The following ROBO1 variants were observed in gnomAD, a reference collection of about 807,000 sequenced individuals.
ROBO1 encodes the protein roundabout homolog 1.
ROBO1 carries 149 observed loss-of-function variants against 195.9 expected under a neutral mutation model. That is an observed-to-expected ratio of 0.76 (90% CI 0.67 to 0.87). ROBO1 has a LOEUF of 0.87. Among genes scored for constraint, ROBO1 ranks in the 40% least tolerant of loss-of-function variants. ROBO1 has a pLI of 0.00. For missense variants in ROBO1, 1,933 were observed against 2,068.3 expected, an observed-to-expected ratio of 0.93 and a Z score of 1.27; for synonymous variants, 816 against 733.2, an observed-to-expected ratio of 1.11 and a Z score of -1.82.
chr3:79,261,180 A>G (rs1289059303), intron 2 of ROBO1, among the ~76,000 whole-genome samples: 3 of 152,036 alleles, frequency 2.0e-5, no homozygotes, highest in South Asian at 4.1e-4. Context: ...TTTTTTGTAT[A>G]TGTTACCTTA....
intron 2 of ROBO1, among the ~76,000 whole-genome samples, chr3:79,137,677 G>A (rs116535123): frequency 6.6e-6 from 1 of 151,960 alleles, no homozygotes; most frequent in Non-Finnish European, 1.5e-5. Flanking sequence ...TACTGAAACC[G>A]AATCTCAGAG....
intron 3 of ROBO1, among the ~76,000 whole-genome samples, chr3:79,003,504 T>G (rs942184851): frequency 6.6e-6 from 1 of 152,116 alleles, no homozygotes; most frequent in African/African-American, 2.4e-5. Flanking sequence ...CGAACACTCT[T>G]TCAAGTACTT....
intron 2 of ROBO1, among the ~76,000 whole-genome samples, chr3:79,150,789 A>G (rs958260690): frequency 1.3e-5 from 2 of 151,832 alleles, no homozygotes; most frequent in African/African-American, 4.8e-5. Flanking sequence ...ATAAAAGGAT[A>G]TCTTGACTTC....
At chr3:79,111,211 GC>G (rs2079880288) in intron 3 of ROBO1, among the ~76,000 whole-genome samples, 1 of 152,142 alleles carries the variant, frequency 6.6e-6, no homozygotes, top group African/African-American at 2.4e-5. Context: ...TTGTCTAATA[GC>G]CATAGGGCTA....
At chr3:79,446,944 C>T (rs761060576) in intron 2 of ROBO1, among the ~76,000 whole-genome samples, 2 of 152,136 alleles carry the variant, frequency 1.3e-5, no homozygotes, top group African/African-American at 4.8e-5. Flanking sequence ...CTGCCTCAGC[C>T]TCCCACATAG....
intron 4 of ROBO1, among the ~76,000 whole-genome samples, chr3:78,776,969 C>T (rs1389208002): frequency 6.6e-6 from 1 of 152,016 alleles, no homozygotes; most frequent in East Asian, 1.9e-4. Flanking sequence ...GGACTATTAG[C>T]TTTTATGGTT....
chr3:79,185,069 A>G (rs1210249807), intron 2 of ROBO1, among the ~76,000 whole-genome samples: 2 of 152,166 alleles, frequency 1.3e-5, no homozygotes, highest in African/African-American at 4.8e-5. Flanking sequence ...GATGACTTCT[A>G]TGTCACAGTG....
chr3:79,340,996 A>C (rs2034885355), intron 2 of ROBO1, among the ~76,000 whole-genome samples: 1 of 152,234 alleles, frequency 6.6e-6, no homozygotes, highest in Non-Finnish European at 1.5e-5. Context: ...CGGAATGTAC[A>C]AATTCTTTAG....
intron 2 of ROBO1, among the ~76,000 whole-genome samples, chr3:79,184,707 G>A (rs1027774847): frequency 1.4e-4 from 21 of 152,214 alleles, no homozygotes; most frequent in African/African-American, 4.8e-4. Flanking sequence ...GAATCTCTCT[G>A]GTCTTGTGAA....
chr3:79,152,095 A>T (rs1225422382), intron 2 of ROBO1, among the ~76,000 whole-genome samples: 4 of 151,838 alleles, frequency 2.6e-5, no homozygotes, highest in East Asian at 1.9e-4. Flanking sequence ...CCTCATCATT[A>T]AAAAAATTCC....
At chr3:78,820,346 T>C (rs2030758153) in intron 4 of ROBO1, among the ~76,000 whole-genome samples, 1 of 152,200 alleles carries the variant, frequency 6.6e-6, no homozygotes, top group African/African-American at 2.4e-5. Flanking sequence ...AGATGGATAC[T>C]ATTATCTACA....
intron 3 of ROBO1, among the ~76,000 whole-genome samples, chr3:79,050,424 C>T (rs1352652498): frequency 1.3e-5 from 2 of 152,128 alleles, no homozygotes; most frequent in Non-Finnish European, 2.9e-5. Context: ...TACAAAGAGA[C>T]TTAGACTCCC....
rs1438935333 is a variant in ROBO1, at chr3:79,745,811, AC to A, written c.-51+21940del. Reference sequence around the variant, plus strand: ...AGGATTAATAAAACTATATATGTATACAATTGGCTTAAGGTCAAGTTAGTTT... The same window carrying A: ...AGGATTAATAAAACTATATATGTATAAATTGGCTTAAGGTCAAGTTAGTTT... On this transcript the variant is annotated intron_variant, in intron 1 of 30. Transcript: ENST00000464233. Among the ~76,000 whole-genome samples the A allele has an allele frequency of 3.3e-5, 5 of 152,292 alleles. No individual in the cohort carries two copies. The East Asian group carries it at 9.6e-4, about 29-fold the overall frequency.
intron 2 of ROBO1, among the ~76,000 whole-genome samples, chr3:79,341,571 T>C (rs1287901515): frequency 6.6e-6 from 1 of 152,042 alleles, no homozygotes; most frequent in Non-Finnish European, 1.5e-5. Flanking sequence ...CTTGAACTCC[T>C]GGCCTCAAGC....
At chr3:78,941,603 A>T (rs2040147695) in intron 3 of ROBO1, among the ~76,000 whole-genome samples, 1 of 152,226 alleles carries the variant, frequency 6.6e-6, no homozygotes, top group Non-Finnish European at 1.5e-5. Flanking sequence ...TGCCTGAGCA[A>T]GTCAGAGAAG....
At chr3:78,828,156 A>C (rs1222722482) in intron 4 of ROBO1, among the ~76,000 whole-genome samples, 2 of 152,246 alleles carry the variant, frequency 1.3e-5, no homozygotes, top group Non-Finnish European at 2.9e-5. Context: ...TAGCTTATCC[A>C]GTATCTAAGA....
chr3:79,156,537 A>T (rs1265844670), intron 2 of ROBO1, among the ~76,000 whole-genome samples: 1 of 151,806 alleles, frequency 6.6e-6, no homozygotes, highest in East Asian at 1.9e-4. Context: ...CACTTCAGTT[A>T]GTACAATTTA....
intron 1 of ROBO1, among the ~76,000 whole-genome samples, chr3:79,708,203 C>A (rs1449817719): frequency 6.6e-6 from 1 of 152,090 alleles, no homozygotes; most frequent in East Asian, 1.9e-4. Flanking sequence ...CCTCCCTATA[C>A]AAGGATTAAA....
chr3:79,420,684 C>T (rs547947635), intron 2 of ROBO1, among the ~76,000 whole-genome samples: 1 of 152,182 alleles, frequency 6.6e-6, no homozygotes, highest in South Asian at 2.1e-4. Flanking sequence ...AGCAATGCAC[C>T]TGACCCTTGA....
Sources: allele counts gnomAD v4.1 joint callset (sites outside exome capture counted in the v4.1 genomes callset), GRCh38; gene constraint gnomAD v4.1.1; transcripts MANE v1.5; gene names NCBI Gene and HGNC (gene_info 2026-07-23, HGNC 2026-07-21).